The following ERBB4 variants were observed in gnomAD, a reference collection of about 807,000 sequenced individuals.
ERBB4 encodes the protein erb-b2 receptor tyrosine kinase 4, also known as receptor tyrosine-protein kinase erbB-4.
ERBB4 carries 42 observed loss-of-function variants against 158.0 expected under a neutral mutation model. The observed-to-expected ratio is 0.27, with a 90% CI of 0.21 to 0.34. The LOEUF is 0.34. Ranked by LOEUF, ERBB4 falls within the 10% of genes least tolerant of loss-of-function variation. ERBB4 has a pLI of 1.00. For synonymous variants in ERBB4, 583 were observed against 558.7 expected, an observed-to-expected ratio of 1.04 and a Z score of -0.61; for missense variants, 1,333 against 1,624.1, an observed-to-expected ratio of 0.82 and a Z score of 3.08.
intron 1 of ERBB4, among the ~76,000 whole-genome samples, chr2:212,487,694 CGA>C (rs1015793293): frequency 6.6e-6 from 1 of 151,358 alleles, no homozygotes; most frequent in African/African-American, 2.4e-5. Flanking sequence ...AAAGGAAGAA[CGA>C]GAGAAATAAC....
intron 1 of ERBB4, among the ~76,000 whole-genome samples, chr2:212,194,303 C>CAG (rs2082359874): frequency 6.6e-6 from 1 of 151,642 alleles, no homozygotes; most frequent in African/African-American, 2.4e-5. Flanking sequence ...CACACACACA[C>CAG]ACACACACAC....
At chr2:212,328,894 T>C (rs1574695113) in intron 1 of ERBB4, among the ~76,000 whole-genome samples, 1 of 152,058 alleles carries the variant, frequency 6.6e-6, no homozygotes, top group African/African-American at 2.4e-5. Flanking sequence ...TCTCTCCTTA[T>C]AAAACATTTA....
intron 20 of ERBB4, among the ~76,000 whole-genome samples, chr2:211,533,160 T>C (rs1338785492): frequency 6.6e-6 from 1 of 151,960 alleles, no homozygotes; most frequent in African/African-American, 2.4e-5. Flanking sequence ...CATTCAGTAA[T>C]ATGTAGGTAG....
chr2:212,257,919 T>A (rs558975748), intron 1 of ERBB4, among the ~76,000 whole-genome samples: 2 of 152,236 alleles, frequency 1.3e-5, no homozygotes, highest in Non-Finnish European at 2.9e-5. Context: ...CGGTCCCCAA[T>A]CTGTCACTGA....
At position 212,098,444 on chromosome 2, in the gene ERBB4, T is replaced by C. The variant is rs939198963; in HGVS notation, c.234+26308A>G. ...CACCAATGGGAAAGCTGAATGTTTG[T>C]CTTTATCTAGGTCTTATCAATGTTC... On this transcript the variant is annotated intron_variant, in intron 2 of 27. Coordinates refer to ENST00000342788, the MANE Select transcript of ERBB4 (RefSeq NM_005235.3). 7.9e-5 allele frequency among the ~76,000 whole-genome samples: 12 copies of C among 152,290 alleles called. 1 individual carries two copies. The highest frequency in any genetic ancestry group is 7.8e-4 in the Admixed American group (12 of 15,288).
intron 1 of ERBB4, among the ~76,000 whole-genome samples, chr2:212,269,450 T>C (rs114117243): frequency 6.6e-6 from 1 of 151,872 alleles, no homozygotes; most frequent in East Asian, 1.9e-4. Flanking sequence ...ATTGGCATGA[T>C]CCACATCCAT....
intron 2 of ERBB4, among the ~76,000 whole-genome samples, chr2:212,034,530 T>G (rs1031079704): frequency 2.0e-5 from 3 of 152,022 alleles, no homozygotes; most frequent in Non-Finnish European, 2.9e-5. Context: ...GTACAATAAT[T>G]TTACTCATTG....
chr2:211,719,336 T>C (rs1353053881), intron 7 of ERBB4, among the ~76,000 whole-genome samples: 1 of 152,176 alleles, frequency 6.6e-6, no homozygotes, highest in African/African-American at 2.4e-5. Context: ...TGATGGACTC[T>C]GAAGGATTAT....
At chr2:212,316,152 T>C (rs1402822481) in intron 1 of ERBB4, among the ~76,000 whole-genome samples, 1 of 151,470 alleles carries the variant, frequency 6.6e-6, no homozygotes, top group Non-Finnish European at 1.5e-5. Flanking sequence ...CTTTTTTTCC[T>C]ATGTATCTTT....
chr2:211,966,196 A>C (rs926066638), intron 2 of ERBB4, among the ~76,000 whole-genome samples: 2 of 152,232 alleles, frequency 1.3e-5, no homozygotes, highest in East Asian at 1.9e-4. Context: ...CTTGGGCAAC[A>C]GAGTGAGACC....
At chr2:211,454,050 A>G (rs2125485137) in intron 20 of ERBB4, among the ~76,000 whole-genome samples, 1 of 152,288 alleles carries the variant, frequency 6.6e-6, no homozygotes, top group Non-Finnish European at 1.5e-5. Context: ...AAAATTGCAA[A>G]TAAATCCCCA....
intron 26 of ERBB4, 89 bp from the exon 27 acceptor site, chr2:211,387,239 A>G: frequency 9.4e-7 from 1 of 1,065,272 alleles, no homozygotes; most frequent in South Asian, 1.3e-5. Flanking sequence ...TATCAAAGCC[A>G]GTCTTTCAGA....
chr2:211,624,095 C>T (rs1443357328), intron 17 of ERBB4, 51 bp from the exon 18 acceptor site: 2 of 1,605,556 alleles, frequency 1.2e-6, no homozygotes, highest in Non-Finnish European at 1.7e-6. Flanking sequence ...AGTCAGTCCT[C>T]TCTCTCTGTC....
chr2:212,305,773 T>G (rs1014866149), intron 1 of ERBB4, among the ~76,000 whole-genome samples: 15 of 151,436 alleles, frequency 9.9e-5, no homozygotes, highest in African/African-American at 3.4e-4. Flanking sequence ...TTACAACATT[T>G]ACATAATTAT....
At chr2:211,480,244 A>C (rs1574572472) in intron 20 of ERBB4, among the ~76,000 whole-genome samples, 1 of 151,974 alleles carries the variant, frequency 6.6e-6, no homozygotes, top group Admixed American at 6.6e-5. Flanking sequence ...TCTTTAGGGA[A>C]CTGGCATTGT....
intron 1 of ERBB4, among the ~76,000 whole-genome samples, chr2:212,190,637 T>C (rs2082162299): frequency 1.3e-5 from 2 of 152,162 alleles, no homozygotes; most frequent in Admixed American, 1.3e-4. Flanking sequence ...TCGGTTCCTT[T>C]GCAGTGAATG....
intron 5 of ERBB4, among the ~76,000 whole-genome samples, chr2:211,738,830 C>T (rs557568117): frequency 6.6e-6 from 1 of 151,168 alleles, no homozygotes; most frequent in East Asian, 2.0e-4. Flanking sequence ...CCATACCCGG[C>T]TATTTTTTGC....
Position 211,382,811 on chromosome 2 carries a change from A to T in ERBB4, c.*804T>A. Reference sequence around the variant, plus strand: ...TTAGCCTCCCTTTCTTATTTTAAAGATTGTATACTTAAAGTAGTGGCCATT... The same window carrying T: ...TTAGCCTCCCTTTCTTATTTTAAAGTTTGTATACTTAAAGTAGTGGCCATT... On this transcript the variant is annotated 3_prime_UTR_variant, in exon 28 of 28. Coordinates refer to ENST00000342788, the MANE Select transcript of ERBB4 (RefSeq NM_005235.3). The T allele has an allele frequency of 4.3e-6, 1 of 232,708 alleles. No homozygotes were observed. The highest frequency in any genetic ancestry group is 6.1e-5 in the East Asian group (1 of 16,444). The allele number at this position is 232,708 out of a possible 1,614,324, so 14.4% of individuals were successfully genotyped here.
chr2:211,908,037 G>T (rs2079444612), intron 3 of ERBB4, among the ~76,000 whole-genome samples: 1 of 147,194 alleles, frequency 6.8e-6, no homozygotes, highest in Non-Finnish European at 1.5e-5. Context: ...CTTTATTGGA[G>T]CACTGGAAAA....
Sources: allele counts gnomAD v4.1 joint callset (sites outside exome capture counted in the v4.1 genomes callset), GRCh38; gene constraint gnomAD v4.1.1; transcripts MANE v1.5; gene names NCBI Gene and HGNC (gene_info 2026-07-23, HGNC 2026-07-21).